Variants in ADAM32 observed in about 807,000 individuals in gnomAD.
The protein encoded by ADAM32 is disintegrin and metalloproteinase domain-containing protein 32.
Under a neutral mutation model 114.9 loss-of-function variants are expected in ADAM32, and 89 were observed. The ratio of observed to expected loss-of-function variants is 0.77; its 90% CI spans 0.65 to 0.92. The LOEUF is 0.92. Among genes scored for constraint, ADAM32 ranks in the 40% least tolerant of loss-of-function variants. The probability of loss-of-function intolerance (pLI) is 0.00; values close to 1 mark genes in which losing one functional copy is unlikely to be tolerated. For missense variants in ADAM32, 870 were observed against 932.8 expected (o/e 0.93, Z 0.88); for synonymous variants, 285 against 307.5 (o/e 0.93, Z 0.77).
chr8:39,120,199 A>G (rs1370118732), intron 2 of ADAM32, among the ~76,000 whole-genome samples: 1 of 152,142 alleles, frequency 6.6e-6, no homozygotes, highest in Non-Finnish European at 1.5e-5. Context: ...CGATTTTGGT[A>G]TTGTGAAGTG....
intron 7 of ADAM32, 48 bp downstream of exon 7, chr8:39,161,013 A>G: frequency 6.9e-7 from 1 of 1,455,298 alleles, no homozygotes; most frequent in Non-Finnish European, 9.4e-7. Context: ...ATCCAAATGT[A>G]TGATTATGCC....
In ADAM32 at chr8:39,189,750, T is replaced by A. The variant is rs186402690; in HGVS notation, c.1052+2705T>A. Among the ~76,000 whole-genome samples the A allele has an allele frequency of 3.4e-3, 514 of 152,272 alleles. 5 individuals are homozygous for A. The highest frequency in any genetic ancestry group is 0.011 in the African/African-American group (454 of 41,552). ...GTGTCTACTTATTAACCAACCTCTC[T>A]TCATTCCCCTACCCACTCTTCCCAG... On this transcript the variant is annotated intron_variant, in intron 11 of 24. Coordinates refer to ENST00000379907, the MANE Select transcript of ADAM32 (RefSeq NM_145004.7).
chr8:39,200,917 C>A (rs910969192), intron 11 of ADAM32, among the ~76,000 whole-genome samples: 6 of 151,960 alleles, frequency 3.9e-5, no homozygotes, highest in African/African-American at 1.4e-4. Context: ...CCGGTTTTTC[C>A]AAGATCAGAT....
At chr8:39,197,237 T>C (rs1807070878) in intron 11 of ADAM32, among the ~76,000 whole-genome samples, 1 of 152,074 alleles carries the variant, frequency 6.6e-6, no homozygotes, top group African/African-American at 2.4e-5. Flanking sequence ...TTTTCTTGTT[T>C]AGTCTAGATA....
At chr8:39,136,630 C>T in intron 2 of ADAM32, 27 bp from the exon 3 acceptor site, 4 of 1,428,640 alleles carry the variant, frequency 2.8e-6, no homozygotes, top group Non-Finnish European at 3.8e-6. Context: ...AATTTGTCTT[C>T]ACTCTCAGTT....
intron 20 of ADAM32, among the ~76,000 whole-genome samples, chr8:39,273,803 ATT>A (rs79487994): frequency 2.7e-5 from 4 of 146,624 alleles, no homozygotes; most frequent in South Asian, 2.1e-4. Context: ...TGTGTGTGTG[ATT>A]TTTTTTTTTC....
intron 4 of ADAM32, among the ~76,000 whole-genome samples, chr8:39,149,243 A>C (rs114064979): frequency 3.3e-5 from 5 of 152,110 alleles, no homozygotes; most frequent in Non-Finnish European, 5.9e-5. Context: ...GTGAATGCCA[A>C]TTTGGAATAT....
intron 17 of ADAM32, among the ~76,000 whole-genome samples, chr8:39,250,169 A>G (rs1483009106): frequency 6.6e-6 from 1 of 151,812 alleles, no homozygotes; most frequent in Non-Finnish European, 1.5e-5. Flanking sequence ...TATTTCTTCT[A>G]TTCCATTCTT....
In ADAM32 at chr8:39,186,954, C is replaced by A; in HGVS notation, c.961C>A (p.Gln321Lys). The change falls in exon 11 of 25, where the codon CAG becomes AAG. Residue 321 changes from glutamine to lysine, a missense_variant. Coordinates refer to ENST00000379907, the MANE Select transcript of ADAM32 (RefSeq NM_145004.7). Reference protein sequence around the residue: ...TLEAFAVIVTQMLALSLGISY... With the variant: ...TLEAFAVIVTKMLALSLGISY... ...GGAGGCATTTGCAGTTATTGTCACC[C>A]AGATGCTGGCACTCAGTCTGGGAAT... The A allele has an allele frequency of 3.7e-6, 6 of 1,612,858 alleles. No homozygotes were observed. The highest frequency in any genetic ancestry group is 5.1e-6 in the Non-Finnish European group (6 of 1,179,106).
At chr8:39,266,607 G>A (rs774867375) in intron 19 of ADAM32, among the ~76,000 whole-genome samples, 32 of 152,070 alleles carry the variant, frequency 2.1e-4, no homozygotes, top group Non-Finnish European at 3.8e-4. Context: ...TCTGTATGTC[G>A]ATGAGCTTCC....
At chr8:39,260,307 C>CT (rs34348246) in intron 19 of ADAM32, among the ~76,000 whole-genome samples, 2 of 152,030 alleles carry the variant, frequency 1.3e-5, no homozygotes, top group African/African-American at 4.8e-5. Context: ...TTTGGATGCC[C>CT]TTTTTTTCTT....
intron 22 of ADAM32, chr8:39,276,234 T>TA (rs1480730523): frequency 2.3e-5 from 4 of 177,214 alleles, no homozygotes; most frequent in Non-Finnish European, 4.7e-5. Flanking sequence ...AACTAGAAAC[T>TA]AATATGTATG....
intron 12 of ADAM32, among the ~76,000 whole-genome samples, chr8:39,215,522 AG>A (rs1361189301): frequency 8.6e-4 from 131 of 152,126 alleles, no homozygotes; most frequent in African/African-American, 3.0e-3. Context: ...ATAAGTGCGT[AG>A]AGCTATAAAC....
intron 14 of ADAM32, among the ~76,000 whole-genome samples, chr8:39,231,599 G>A (rs1332952386): frequency 6.6e-6 from 1 of 152,068 alleles, no homozygotes; most frequent in Non-Finnish European, 1.5e-5. Context: ...TGCTAATTTT[G>A]GTCCCTTAAA....
intron 16 of ADAM32, among the ~76,000 whole-genome samples, chr8:39,238,128 C>A (rs1810308747): frequency 6.6e-6 from 1 of 152,204 alleles, no homozygotes; most frequent in Non-Finnish European, 1.5e-5. Flanking sequence ...TTGAAGGAAA[C>A]CAGTGCACTA....
At chr8:39,187,399 G>A (rs536491847) in intron 11 of ADAM32, among the ~76,000 whole-genome samples, 2 of 152,128 alleles carry the variant, frequency 1.3e-5, no homozygotes, top group East Asian at 3.9e-4. Flanking sequence ...GGCCTCCCGA[G>A]TAGCTGGGAC....
chr8:39,185,451 T>C (rs1806175267), intron 10 of ADAM32, among the ~76,000 whole-genome samples: 1 of 152,168 alleles, frequency 6.6e-6, no homozygotes, highest in Admixed American at 6.5e-5. Context: ...GGAAATATCC[T>C]CCCAGCTCTC....
chr8:39,270,635 G>A (rs780843148), intron 19 of ADAM32, among the ~76,000 whole-genome samples: 2 of 152,140 alleles, frequency 1.3e-5, no homozygotes, highest in Non-Finnish European at 2.9e-5. Flanking sequence ...GCAAATTTGG[G>A]TGTTTTTGAT....
Position 39,274,486 on chromosome 8 carries a change from A to G in ADAM32, c.2240+136A>G, listed in dbSNP as rs1189982060. On this transcript the variant is annotated intron_variant, in intron 21 of 24. Coordinates refer to ENST00000379907, the MANE Select transcript of ADAM32 (RefSeq NM_145004.7). ...GCACTAAAATCCAGACTGCTAATAT[A>G]CAGTTGAATTTAGTTTCTAATAAAT... 4 of 914,498 alleles carry G rather than the reference A, an allele frequency of 4.4e-6. No individual in the cohort carries two copies. The African/African-American group carries it at 5.1e-5, about 12-fold the overall frequency. 56.6% of individuals were successfully genotyped at this position (914,498 alleles called of 1,614,324 possible).
Sources: gnomAD v4.1 joint callset for allele counts (sites outside exome capture counted in the v4.1 genomes callset) on GRCh38, gnomAD v4.1.1 for gene constraint, MANE v1.5 for transcripts, NCBI Gene and HGNC (gene_info 2026-07-23, HGNC 2026-07-21) for gene names.